PCDHGA10: variants seen among roughly 807,000 people sequenced by gnomAD.
PCDHGA10 encodes the protein protocadherin gamma subfamily A, 10, also known as protocadherin gamma-A10.
In PCDHGA10, 42 loss-of-function variants were observed where a neutral mutation model predicts 59.5. The ratio of observed to expected loss-of-function variants is 0.71; its 90% CI spans 0.55 to 0.91. The LOEUF is 0.91. Ranked by LOEUF, PCDHGA10 falls within the 40% of genes least tolerant of loss-of-function variation. PCDHGA10 has a pLI of 0.00. For missense variants in PCDHGA10, 1,111 were observed against 1,198.2 expected, an observed-to-expected ratio of 0.93 and a Z score of 1.07; for synonymous variants, 511 against 517.2, an observed-to-expected ratio of 0.99 and a Z score of 0.16.
At chr5:141,508,664 T>C (rs1381178258) in intron 3 of PCDHGA10, among the ~76,000 whole-genome samples, 1 of 152,030 alleles carries the variant, frequency 6.6e-6, no homozygotes, top group Non-Finnish European at 1.5e-5. Context: ...TGTCATTCTG[T>C]CTCTGCCTCC....
intron 1 of PCDHGA10, among the ~76,000 whole-genome samples, chr5:141,472,264 G>A (rs925973401): frequency 1.3e-4 from 20 of 152,068 alleles, no homozygotes; most frequent in African/African-American, 3.6e-4. Context: ...TATTATAGCC[G>A]GGCACAGTGG....
intron 1 of PCDHGA10, chr5:141,416,848 G>A (rs2154546681): frequency 1.3e-5 from 2 of 152,166 alleles, no homozygotes; most frequent in East Asian, 3.9e-4. Flanking sequence ...ATAATTCCAT[G>A]ATTTTTTTCA....
chr5:141,434,455 G>A (rs2097695575), intron 1 of PCDHGA10, among the ~76,000 whole-genome samples: 1 of 152,192 alleles, frequency 6.6e-6, no homozygotes, highest in Admixed American at 6.5e-5. Context: ...GAAGGTAGTG[G>A]GTTTACCGGA....
At chr5:141,427,883 C>T (rs2097084423) in intron 1 of PCDHGA10, 2 of 1,563,700 alleles carry the variant, frequency 1.3e-6, no homozygotes, top group African/African-American at 1.3e-5. Context: ...TGCAGGCCCA[C>T]GACCAGGGCT....
intron 3 of PCDHGA10, among the ~76,000 whole-genome samples, chr5:141,506,349 T>A (rs894933059): frequency 8.0e-5 from 12 of 150,304 alleles, no homozygotes; most frequent in Admixed American, 2.7e-4. Context: ...CTTGGGAGGC[T>A]GAGGCAGGAG....
At chr5:141,478,020 A>G (rs1315422039) in intron 1 of PCDHGA10, 2 of 1,613,976 alleles carry the variant, frequency 1.2e-6, no homozygotes, top group Non-Finnish European at 1.7e-6. Flanking sequence ...CGTCCAGTCC[A>G]AGACACAGAT....
At chr5:141,420,025 T>A in intron 1 of PCDHGA10, 1 of 1,614,096 alleles carries the variant, frequency 6.2e-7, no homozygotes, top group Non-Finnish European at 8.5e-7. Context: ...TCAGCCCTAC[T>A]GCAGGAGACT....
rs752680691 is a variant in PCDHGA10, at chr5:141,433,173, G to A, written c.2436+17562G>A. Reference sequence around the variant, plus strand: ...TCGGTATTTTCTAAAGACAGTCATGGGTTAATTGAGGTGAGTTTATATCAA... The same window carrying A: ...TCGGTATTTTCTAAAGACAGTCATGAGTTAATTGAGGTGAGTTTATATCAA... On this transcript the variant is annotated intron_variant, in intron 1 of 3. Coordinates refer to ENST00000398610, the MANE Select transcript of PCDHGA10 (RefSeq NM_018913.3). 3.1e-6 allele frequency: 5 copies of A among 1,610,344 alleles called. 1 individual carries two copies. In the Middle Eastern group the frequency reaches 5.0e-4, roughly 160 times the overall value.
Position 141,425,378 on chromosome 5 carries a change from C to T in PCDHGA10, c.2436+9767C>T, listed in dbSNP as rs372445707. Among the ~76,000 whole-genome samples the T allele has an allele frequency of 1.6e-4, 25 of 152,174 alleles. 1 individual carries two copies. The highest frequency in any genetic ancestry group is 3.9e-4 in the African/African-American group (16 of 41,522). On this transcript the variant is annotated intron_variant, in intron 1 of 3. Transcript: ENST00000398610. ...TGATATTAAGAGGGTTATGTTGATTCGGAGGTAGTGATAAAGTTCTGTTAA... is the reference window on the plus strand; with the variant it reads ...TGATATTAAGAGGGTTATGTTGATTTGGAGGTAGTGATAAAGTTCTGTTAA...
At chr5:141,430,909 G>A (rs1054175762) in intron 1 of PCDHGA10, 2 of 1,607,160 alleles carry the variant, frequency 1.2e-6, no homozygotes, top group Non-Finnish European at 1.7e-6. Context: ...ACATCTCCAG[G>A]GACCTGGGGC....
rs182282975 is a variant in PCDHGA10 at position 141,420,903 on chromosome 5, A to G, written c.2436+5292A>G. The G allele has an allele frequency of 1.7e-5, 5 of 296,804 alleles. No individual in the cohort carries two copies. In the Admixed American group the frequency reaches 1.8e-4, roughly 11 times the overall value. The allele number at this position is 296,804 out of a possible 1,614,324, so 18.4% of individuals were successfully genotyped here. On this transcript the variant is annotated intron_variant, in intron 1 of 3. Transcript: ENST00000398610. ...TGTATCATCGTTTTTAAGCTCTACA[A>G]ATACGTGTGATTCACAAAGGTGAGC...
Position 141,476,755 on chromosome 5 carries a change from G to A in PCDHGA10, c.2437-18052G>A, listed in dbSNP as rs1307512875. The stretch of plus-strand genomic sequence containing the variant: ...AACGGGAGCCTAGTCTCCAGTTAGT[G>A]CTGACGGCGTTGGACGGAGGGACCC... On this transcript the variant is annotated intron_variant, in intron 1 of 3. Coordinates refer to ENST00000398610, the MANE Select transcript of PCDHGA10 (RefSeq NM_018913.3). This position sits in a 1 kb window ranked among gnomAD's most constrained non-coding sequence, Gnocchi z 7.6. 1.2e-6 allele frequency: 2 copies of A among 1,613,828 alleles called. No homozygotes were observed. Among genetic ancestry groups the A allele is most frequent in the Non-Finnish European group, 1.7e-6 (2 of 1,180,036 alleles).
rs371139792 is a variant in PCDHGA10 at position 141,490,160 on chromosome 5, C to A, written c.2437-4647C>A. On this transcript the variant is annotated intron_variant, in intron 1 of 3. Transcript: ENST00000398610. This position sits in a 1 kb window ranked among gnomAD's most constrained non-coding sequence, Gnocchi z 5.4. The stretch of plus-strand genomic sequence containing the variant: ...AGTGGGGCAATCCATGTGTTGGGTC[C>A]CATAGACTTTGAGGAGTCACGTTTC... The A allele has an allele frequency of 5.6e-6, 9 of 1,614,192 alleles. No homozygotes were observed. The highest frequency in any genetic ancestry group is 7.6e-6 in the Non-Finnish European group (9 of 1,180,016).
At chr5:141,466,763 C>T (rs960940073) in intron 1 of PCDHGA10, among the ~76,000 whole-genome samples, 31 of 152,272 alleles carry the variant, frequency 2.0e-4, no homozygotes, top group Middle Eastern at 6.8e-3. Context: ...TCTTTTCAAA[C>T]TGTTATCTTA....
At chr5:141,481,070 A>G (rs2099531062) in intron 1 of PCDHGA10, among the ~76,000 whole-genome samples, 1 of 152,144 alleles carries the variant, frequency 6.6e-6, no homozygotes, top group South Asian at 2.1e-4. Context: ...AAACAAAAAG[A>G]AAGAAAGAAA....
intron 1 of PCDHGA10, among the ~76,000 whole-genome samples, chr5:141,463,314 A>G (rs1357327211): frequency 2.0e-5 from 3 of 151,098 alleles, no homozygotes; most frequent in Non-Finnish European, 2.9e-5. Context: ...TCTAATATCT[A>G]TTCCTCAACT....
At chr5:141,441,878 TG>T in intron 1 of PCDHGA10, 1 of 343,708 alleles carries the variant, frequency 2.9e-6, no homozygotes, top group Non-Finnish European at 5.6e-6. Context: ...CCTGGCTACC[TG>T]GTCACCAAGG....
chr5:141,431,505 C>T lies in PCDHGA10; in HGVS notation c.2436+15894C>T. 1.2e-6 allele frequency: 2 copies of T among 1,614,018 alleles called. No individual in the cohort carries two copies. The highest frequency in any genetic ancestry group is 1.7e-6 in the Non-Finnish European group (2 of 1,180,028). On this transcript the variant is annotated intron_variant, in intron 1 of 3. Coordinates refer to ENST00000398610, the MANE Select transcript of PCDHGA10 (RefSeq NM_018913.3). This position sits in a 1 kb window ranked among gnomAD's most constrained non-coding sequence, Gnocchi z 4.8. ...GCGTTTGCTCAGCCCGAGTACCGCG[C>T]GAGCGTTCCGGAGAATCTGGCCTTG...
chr5:141,413,272 C>T lies in PCDHGA10; in HGVS notation c.97C>T (p.Arg33Trp), dbSNP rs753942667. Reference sequence around the variant, plus strand: ...CGGGATTCCATGGGAGGCTGGAGCCCGGCAGATCTCCTACTCAATTCCTGA... The same window carrying T: ...CGGGATTCCATGGGAGGCTGGAGCCTGGCAGATCTCCTACTCAATTCCTGA... ...FFGIPWEAGA[R>W]QISYSIPEEL... Residue 33 changes from arginine (R) to tryptophan (W), a missense_variant, in exon 1 of 4, where the codon CGG becomes TGG. Coordinates refer to ENST00000398610, the MANE Select transcript of PCDHGA10 (RefSeq NM_018913.3). 8.1e-6 allele frequency: 13 copies of T among 1,613,944 alleles called. No individual in the cohort carries two copies. In the South Asian group the frequency reaches 1.4e-4, roughly 18 times the overall value.
Sources: gnomAD v4.1 joint callset for allele counts (sites outside exome capture counted in the v4.1 genomes callset) on GRCh38, gnomAD v4.1.1 for gene constraint, Gnocchi (gnomAD v3.1) non-coding constraint, MANE v1.5 for transcripts, NCBI Gene and HGNC (gene_info 2026-07-23, HGNC 2026-07-21) for gene names.